The following ATE1 variants were observed in gnomAD, a reference collection of about 807,000 sequenced individuals.
ATE1 encodes the protein arginyl-tRNA--protein transferase 1.
A neutral mutation model predicts 70.5 loss-of-function variants in ATE1; 36 were observed. That is an observed-to-expected ratio of 0.51 (90% CI 0.39 to 0.67). The LOEUF is 0.67. Among genes scored for constraint, ATE1 ranks in the 30% least tolerant of loss-of-function variants. The pLI, the probability that ATE1 is intolerant of heterozygous loss-of-function variation, is 0.00. For missense variants in ATE1, 593 were observed against 629.5 expected, an observed-to-expected ratio of 0.94 and a Z score of 0.62; for synonymous variants, 232 against 219.3, an observed-to-expected ratio of 1.06 and a Z score of -0.51.
intron 7 of ATE1, among the ~76,000 whole-genome samples, chr10:121,889,125 C>T (rs1159047232): frequency 6.6e-6 from 1 of 152,070 alleles, no homozygotes; most frequent in Non-Finnish European, 1.5e-5. Flanking sequence ...GCGATTTTCC[C>T]GCTTTAGCTT....
chr10:121,793,202 C>CATA (rs531731313), intron 10 of ATE1, among the ~76,000 whole-genome samples: 945 of 152,192 alleles, frequency 6.2e-3, no homozygotes, highest in South Asian at 0.016. Context: ...AAATTAAAAC[C>CATA]ATAACAAATT....
intron 11 of ATE1, among the ~76,000 whole-genome samples, chr10:121,770,577 T>A (rs12766842): frequency 0.036 from 5,436 of 152,246 alleles, 138 homozygotes; most frequent in Non-Finnish European, 0.054. Context: ...TACTTCTTTG[T>A]GGTTTAAAAT....
At chr10:121,866,150 G>T (rs2133990804) in intron 8 of ATE1, among the ~76,000 whole-genome samples, 1 of 152,270 alleles carries the variant, frequency 6.6e-6, no homozygotes, top group Middle Eastern at 3.4e-3. Flanking sequence ...CCTTTGGTTT[G>T]GCTGTCAGGA....
chr10:121,832,051 C>A (rs1250907026), intron 10 of ATE1, among the ~76,000 whole-genome samples: 1 of 152,192 alleles, frequency 6.6e-6, no homozygotes, highest in African/African-American at 2.4e-5. Context: ...GTGACATGAT[C>A]TTCCGCCACA....
intron 10 of ATE1, among the ~76,000 whole-genome samples, chr10:121,801,765 C>T (rs1052903692): frequency 1.3e-5 from 2 of 152,036 alleles, no homozygotes; most frequent in African/African-American, 2.4e-5. Context: ...GCTGAGGCCA[C>T]CCTCACCTAG....
chr10:121,913,030 C>T (rs186126751), intron 4 of ATE1, among the ~76,000 whole-genome samples: 45 of 152,224 alleles, frequency 3.0e-4, no homozygotes, highest in African/African-American at 9.9e-4. Flanking sequence ...CAGGCGCCTG[C>T]CACCACGCCA....
At chr10:121,847,986 G>C (rs535082473) in intron 8 of ATE1, among the ~76,000 whole-genome samples, 1 of 151,836 alleles carries the variant, frequency 6.6e-6, no homozygotes, top group Non-Finnish European at 1.5e-5. Flanking sequence ...CAAAAGAATC[G>C]CTTGAACCTG....
chr10:121,817,323 A>G (rs560064763), intron 10 of ATE1, among the ~76,000 whole-genome samples: 49 of 152,300 alleles, frequency 3.2e-4, no homozygotes, highest in African/African-American at 1.1e-3. Context: ...GGCGGATCAC[A>G]AGGTCAGGAG....
chr10:121,927,351 T>C, intron 1 of ATE1: 1 of 985,214 alleles, frequency 1.0e-6, no homozygotes, highest in Non-Finnish European at 1.2e-6. Context: ...CTTTTTTTTT[T>C]TTTAACCCAG....
chr10:121,879,318 G>A (rs975618572), intron 7 of ATE1, among the ~76,000 whole-genome samples: 2 of 152,152 alleles, frequency 1.3e-5, no homozygotes, highest in Non-Finnish European at 2.9e-5. Context: ...TCCTTTATCT[G>A]AGCCTCTTCC....
At position 121,786,202 on chromosome 10, in the gene ATE1, G is replaced by GTTTTT. The variant is rs66781912; in HGVS notation, c.1378+3962_1378+3966dup. ...TGGGAAACAGCACATGCTCAAGAAA[G>GTTTTT]TTTTTTTTTTTTTTTTTTTTTTTTT... is the stretch of plus-strand genomic sequence containing the variant. On this transcript the variant is annotated intron_variant, in intron 11 of 11. Transcript: ENST00000224652. Among the ~76,000 whole-genome samples, 11 of 84,518 alleles carry GTTTTT rather than the reference G, an allele frequency of 1.3e-4. 1 individual carries two copies. In the East Asian group the frequency reaches 1.9e-3, roughly 15 times the overall value. The allele number at this position is 84,518 out of a possible 152,430, so 55.4% of individuals were successfully genotyped here.
chr10:121,899,956 G>C lies in ATE1; in HGVS notation c.852C>G (p.Phe284Leu), dbSNP rs1235159197. ...GGTAAGACTCCAGAAGTGTGGCTTT[G>C]AACTGCGAACTTGGTGGAGATGATC... Reference protein sequence around the residue: ...VVRSSPPSSQFKATLLESYQV... With the variant: ...VVRSSPPSSQLKATLLESYQV... The change falls in exon 7 of 12, where the codon TTC becomes TTG. Residue 284 changes from phenylalanine to leucine, a missense_variant. Phe to Leu is a conservative substitution (Grantham distance 22, BLOSUM62 0). Around this residue, in one of 3 missense-constraint regions of ATE1, gnomAD observed 467 missense variants for 469.6 expected, o/e 0.99. Coordinates refer to ENST00000224652, the MANE Select transcript of ATE1 (RefSeq NM_001001976.3). 1 of 1,613,936 alleles carries C rather than the reference G, an allele frequency of 6.2e-7. No homozygotes were observed.
chr10:121,897,820 G>A lies in ATE1; in HGVS notation c.942+2046C>T, dbSNP rs1187717768. Among the ~76,000 whole-genome samples, 12 of 122,224 alleles carry A rather than the reference G, an allele frequency of 9.8e-5. No individual in the cohort carries two copies. In the East Asian group the frequency reaches 2.0e-3, roughly 20 times the overall value. The allele number at this position is 122,224 out of a possible 152,430, so 80.2% of individuals were successfully genotyped here. A position where few individuals can be genotyped will look rare whatever the true frequency, so the allele number is the denominator to read the frequency against. On this transcript the variant is annotated intron_variant, in intron 7 of 11. Transcript: ENST00000224652. Reference sequence around the variant, plus strand: ...CAGCCTGGCAACAGAGCAAGACTCCGTCTCAAAAAAAAAAAAAAAAAAGTA... The same window carrying A: ...CAGCCTGGCAACAGAGCAAGACTCCATCTCAAAAAAAAAAAAAAAAAAGTA...
chr10:121,752,536 G>A (rs900568867), intron 11 of ATE1, among the ~76,000 whole-genome samples: 23 of 152,136 alleles, frequency 1.5e-4, no homozygotes, highest in African/African-American at 5.3e-4. Flanking sequence ...GCATTTCTAC[G>A]AATTTTATAG....
chr10:121,791,296 G>C (rs1202647359), intron 10 of ATE1, among the ~76,000 whole-genome samples: 1 of 151,796 alleles, frequency 6.6e-6, no homozygotes, highest in Non-Finnish European at 1.5e-5. Flanking sequence ...GTTTCACCAT[G>C]CTGGCCAGGC....
intron 10 of ATE1, among the ~76,000 whole-genome samples, chr10:121,831,574 C>A (rs1230203199): frequency 6.6e-6 from 1 of 152,186 alleles, no homozygotes; most frequent in African/African-American, 2.4e-5. Flanking sequence ...TGGATTCCTT[C>A]AACCTAGTAA....
chr10:121,869,200 A>G (rs1949766889), intron 8 of ATE1, among the ~76,000 whole-genome samples: 1 of 152,210 alleles, frequency 6.6e-6, no homozygotes, highest in Non-Finnish European at 1.5e-5. Flanking sequence ...CATCTAAAAG[A>G]TAACAAAAAT....
At chr10:121,903,263 T>A (rs1029185184) in intron 5 of ATE1, among the ~76,000 whole-genome samples, 1 of 152,142 alleles carries the variant, frequency 6.6e-6, no homozygotes, top group African/African-American at 2.4e-5. Context: ...CAAATCAAAG[T>A]ACCTGCTGCA....
chr10:121,898,660 G>T (rs1412181466), intron 7 of ATE1, among the ~76,000 whole-genome samples: 2 of 152,102 alleles, frequency 1.3e-5, no homozygotes, highest in African/African-American at 4.8e-5. Context: ...AACGCATCCT[G>T]AATTTGCAAT....
Sources: gnomAD v4.1 joint callset for allele counts (sites outside exome capture counted in the v4.1 genomes callset) on GRCh38, gnomAD v4.1.1 for gene constraint, gnomAD v4.1.1 regional missense constraint, MANE v1.5 for transcripts, NCBI Gene and HGNC (gene_info 2026-07-23, HGNC 2026-07-21) for gene names.